Variants in RORA observed in about 807,000 individuals in gnomAD.
RORA encodes the protein nuclear receptor ROR-alpha.
In RORA, 7 loss-of-function variants were observed where a neutral mutation model predicts 69.5. That is an observed-to-expected ratio of 0.10 (90% confidence interval 0.06 to 0.19). The LOEUF (loss-of-function observed/expected upper bound fraction) is 0.19, where lower values mean the gene tolerates loss of function less well. Among genes scored for constraint, RORA ranks in the 10% least tolerant of loss-of-function variants. RORA has a pLI of 1.00. For missense variants in RORA, 457 were observed against 663.0 expected (o/e 0.69, Z 3.41); for synonymous variants, 261 against 240.8 (o/e 1.08, Z -0.78).
At position 60,531,884 on chromosome 15, in the gene RORA, TTTTC is replaced by T. The variant is rs766709715; in HGVS notation, c.197-37_197-34del. The T allele has an allele frequency of 1.4e-6, 2 of 1,402,186 alleles. No individual in the cohort carries two copies. Among genetic ancestry groups the T allele is most frequent in the African/African-American group, 2.9e-5 (2 of 68,578 alleles). The allele number at this position is 1,402,186 out of a possible 1,614,324, so 86.9% of individuals were successfully genotyped here. ...AGAAGCACGCAACCAGTTAATTACATTTTCTTTTAAACACCTTATAAAAGCGTTC... is the reference window on the plus strand; with the variant it reads ...AGAAGCACGCAACCAGTTAATTACATTTTTAAACACCTTATAAAAGCGTTC... On this transcript the variant is annotated intron_variant, in intron 2 of 10. Coordinates refer to ENST00000335670, the MANE Select transcript of RORA (RefSeq NM_134261.3). This position sits in a 1 kb window ranked among gnomAD's most constrained non-coding sequence, Gnocchi z 4.8.
chr15:60,646,798 C>T (rs943420437), intron 2 of RORA, among the ~76,000 whole-genome samples: 8 of 152,204 alleles, frequency 5.3e-5, no homozygotes, highest in African/African-American at 1.9e-4. Flanking sequence ...TCTCACCCTG[C>T]CCAGCCTGTC....
At chr15:60,776,990 T>C (rs1343637539) in intron 1 of RORA, among the ~76,000 whole-genome samples, 1 of 152,238 alleles carries the variant, frequency 6.6e-6, no homozygotes, top group Admixed American at 6.5e-5. Flanking sequence ...AGTATTTGTC[T>C]GTTTATCTTC....
intron 1 of RORA, among the ~76,000 whole-genome samples, chr15:60,729,856 A>G (rs903720262): frequency 2.6e-5 from 4 of 152,356 alleles, no homozygotes; most frequent in East Asian, 1.9e-4. Context: ...TCTATGTAAT[A>G]TCTTACCTCT....
In RORA at chr15:60,494,928, A is replaced by C. The variant is rs1382814634; in HGVS notation, c.*2527T>G. 1 of 152,228 alleles carries C rather than the reference A, an allele frequency of 6.6e-6. No individual in the cohort carries two copies. Among genetic ancestry groups the C allele is most frequent in the Non-Finnish European group, 1.5e-5 (1 of 68,034 alleles). 9.4% of individuals were successfully genotyped at this position (152,228 alleles called of 1,614,324 possible). On this transcript the variant is annotated 3_prime_UTR_variant, in exon 11 of 11. Transcript: ENST00000335670. ...CTCTCACCCTTAGAGAAATTCAATTAGCTTTTATTATTTCACAAATCGACA... is the reference window on the plus strand; with the variant it reads ...CTCTCACCCTTAGAGAAATTCAATTCGCTTTTATTATTTCACAAATCGACA...
chr15:61,205,939 T>A (rs1028605796), intron 1 of RORA, among the ~76,000 whole-genome samples: 79 of 152,156 alleles, frequency 5.2e-4, no homozygotes, highest in African/African-American at 1.9e-3. Flanking sequence ...AGAGCAACCT[T>A]CTGGACTCAG....
chr15:60,930,891 G>A (rs1892355027), intron 1 of RORA, among the ~76,000 whole-genome samples: 1 of 152,188 alleles, frequency 6.6e-6, no homozygotes, highest in African/African-American at 2.4e-5. Flanking sequence ...AAATGAAATG[G>A]CCTCACATCT....
At position 60,867,739 on chromosome 15, in the gene RORA, C is replaced by A. The variant is rs144242075; in HGVS notation, c.167-189053G>T. Among the ~76,000 whole-genome samples, 285 of 152,244 alleles carry A rather than the reference C, an allele frequency of 1.9e-3. 8 individuals are homozygous for A. The East Asian group carries it at 0.045, about 24-fold the overall frequency. ...TCTCTTGATATTCTCTATATGAGAT[C>A]CTATGAGAGAGTTTTCTCACAATTT... On this transcript the variant is annotated intron_variant, in intron 1 of 10. Coordinates refer to ENST00000335670, the MANE Select transcript of RORA (RefSeq NM_134261.3).
In RORA at chr15:60,497,704, T is replaced by C. The variant is rs1452931252; in HGVS notation, c.1408-85A>G. 4.5e-6 allele frequency: 5 copies of C among 1,103,134 alleles called. No homozygotes were observed. In the East Asian group the frequency reaches 9.5e-5, roughly 21 times the overall value. 68.3% of individuals were successfully genotyped at this position (1,103,134 alleles called of 1,614,324 possible). Reference sequence around the variant, plus strand: ...GGGAACCTGAATGATCTTTATGACATTGTTTATAATGGTGAAACACACTTA... The same window carrying C: ...GGGAACCTGAATGATCTTTATGACACTGTTTATAATGGTGAAACACACTTA... On this transcript the variant is annotated intron_variant, in intron 10 of 10. Transcript: ENST00000335670.
chr15:61,059,786 C>T (rs2078145834), intron 1 of RORA, among the ~76,000 whole-genome samples: 10 of 151,974 alleles, frequency 6.6e-5, no homozygotes, highest in Admixed American at 6.6e-4. Context: ...TTCAAAGTTC[C>T]CGTTTTGGCA....
At chr15:60,516,877 C>T (rs1472394524) in intron 3 of RORA, among the ~76,000 whole-genome samples, 1 of 151,938 alleles carries the variant, frequency 6.6e-6, no homozygotes. Context: ...GGGATTCAAC[C>T]ACTACAAATG....
intron 1 of RORA, among the ~76,000 whole-genome samples, chr15:61,118,948 T>C (rs904286372): frequency 6.6e-6 from 1 of 151,934 alleles, no homozygotes; most frequent in Non-Finnish European, 1.5e-5. Context: ...CGACCTATAA[T>C]ACTGACATCA....
At chr15:60,613,514 T>C (rs1387130050) in intron 2 of RORA, among the ~76,000 whole-genome samples, 2 of 152,302 alleles carry the variant, frequency 1.3e-5, no homozygotes, top group Non-Finnish European at 1.5e-5. Context: ...GTGAGGGTAA[T>C]AGTACCTTTC....
At chr15:60,695,098 C>T (rs7176037) in intron 1 of RORA, among the ~76,000 whole-genome samples, 150,646 of 152,062 alleles carry the variant, frequency 0.99, 74,639 homozygotes, top group Middle Eastern at 1. Flanking sequence ...ATCCCTGTGC[C>T]CATGGTGCTT....
chr15:60,712,957 C>T (rs1448509036), intron 1 of RORA, among the ~76,000 whole-genome samples: 3 of 152,048 alleles, frequency 2.0e-5, no homozygotes, highest in East Asian at 3.8e-4. Context: ...TCCTATTCAA[C>T]AGAGCGAATA....
At chr15:60,810,193 G>T (rs2072722017) in intron 1 of RORA, among the ~76,000 whole-genome samples, 1 of 152,080 alleles carries the variant, frequency 6.6e-6, no homozygotes, top group East Asian at 1.9e-4. Flanking sequence ...ATCTAAAAAT[G>T]TTTTTGTTCT....
At chr15:60,863,847 C>G (rs1449724842) in intron 1 of RORA, among the ~76,000 whole-genome samples, 1 of 150,716 alleles carries the variant, frequency 6.6e-6, no homozygotes, top group Non-Finnish European at 1.5e-5. Flanking sequence ...CGCTCTGTCG[C>G]CCAGGCTGGA....
intron 1 of RORA, among the ~76,000 whole-genome samples, chr15:61,044,444 C>T (rs999087761): frequency 6.6e-6 from 1 of 152,204 alleles, no homozygotes; most frequent in Non-Finnish European, 1.5e-5. Flanking sequence ...GGCCACCGAG[C>T]ACTTGAACCT....
At chr15:60,790,411 C>T (rs78040657) in intron 1 of RORA, among the ~76,000 whole-genome samples, 2,790 of 152,264 alleles carry the variant, frequency 0.018, 37 homozygotes, top group Middle Eastern at 0.051. Context: ...ATTGGGTGAG[C>T]GCTGATGGAG....
At chr15:61,198,866 ACTC>A (rs1596066556) in intron 1 of RORA, among the ~76,000 whole-genome samples, 1 of 151,562 alleles carries the variant, frequency 6.6e-6, no homozygotes, top group South Asian at 2.1e-4. Flanking sequence ...ATTTCCCTTA[ACTC>A]CTCCTTCTTT....
Sources: allele counts gnomAD v4.1 joint callset (sites outside exome capture counted in the v4.1 genomes callset), GRCh38; gene constraint gnomAD v4.1.1; non-coding constraint Gnocchi (gnomAD v3.1); transcripts MANE v1.5; gene names NCBI Gene and HGNC (gene_info 2026-07-23, HGNC 2026-07-21).